MYO15A: variants seen among roughly 807,000 people sequenced by gnomAD.
MYO15A encodes the protein unconventional myosin-XV.
MYO15A carries 308 observed loss-of-function variants against 394.6 expected under a neutral mutation model. The observed-to-expected ratio is 0.78, with a 90% confidence interval of 0.71 to 0.86. MYO15A has a LOEUF of 0.86. MYO15A is among the 40% of genes least tolerant of loss of function. The probability of loss-of-function intolerance (pLI) is 0.00; values close to 1 mark genes in which losing one functional copy is unlikely to be tolerated. For synonymous variants in MYO15A, 1,957 were observed against 2,003.8 expected (o/e 0.98, Z 0.62); for missense variants, 4,606 against 4,799.1 (o/e 0.96, Z 1.19).
Position 18,157,894 on chromosome 17 carries a change from G to A in MYO15A, c.8961G>A (p.Arg2987=). The change falls in exon 51 of 66, where the codon AGG becomes AGA. Residue 2987 remains arginine, a synonymous_variant. Transcript: ENST00000647165. ...SAAAAQEVGR[R]REGPPVRARS... is the part of the protein sequence containing the mutation. ...CCGCTGCACAGGAGGTGGGCCGCAG[G>A]AGAGAGGTGAGACCAGTGTGGGTGG... is the stretch of plus-strand genomic sequence containing the variant. 4.2e-6 allele frequency: 5 copies of A among 1,187,896 alleles called. No homozygotes were observed. Among genetic ancestry groups the A allele is most frequent in the South Asian group, 1.4e-5 (1 of 73,594 alleles). The allele number at this position is 1,187,896 out of a possible 1,614,324, so 73.6% of individuals were successfully genotyped here.
intron 59 of MYO15A, 84 bp downstream of exon 59, chr17:18,163,405 AG>A (rs2046804717): frequency 1.5e-6 from 2 of 1,374,654 alleles, no homozygotes; most frequent in Non-Finnish European, 2.1e-6. Context: ...GGGTGGAGTA[AG>A]CCCCCAATGA....
At chr17:18,115,350 G>C (rs1008101700) in intron 1 of MYO15A, among the ~76,000 whole-genome samples, 2 of 152,140 alleles carry the variant, frequency 1.3e-5, no homozygotes, top group African/African-American at 4.8e-5. Flanking sequence ...TAGGCTTGGT[G>C]GCTCACGGAT....
chr17:18,114,795 CTGGCTTCGT>C (rs2045764590), intron 1 of MYO15A, among the ~76,000 whole-genome samples: 2 of 152,172 alleles, frequency 1.3e-5, no homozygotes, highest in Non-Finnish European at 2.9e-5. Context: ...CCTCCTCTGG[CTGGCTTCGT>C]GGTGCTCACT....
intron 64 of MYO15A, chr17:18,172,747 T>C (rs1048776646): frequency 3.5e-6 from 1 of 287,068 alleles, no homozygotes; most frequent in Admixed American, 5.0e-5. Flanking sequence ...CTGGTATCTC[T>C]GTGTATCCAA....
At chr17:18,126,239 A>C in intron 4 of MYO15A, 108 bp from the exon 5 acceptor site, 1 of 917,760 alleles carries the variant, frequency 1.1e-6, no homozygotes, top group Non-Finnish European at 1.8e-6. Flanking sequence ...CCAGGCAGCC[A>C]GATATCTGTC....
intron 62 of MYO15A, 108 bp from the exon 63 acceptor site, chr17:18,171,530 T>C: frequency 6.6e-7 from 1 of 1,524,524 alleles, no homozygotes. Context: ...CATTTAGTCT[T>C]CCAGGGAGGT....
chr17:18,156,284 G>A lies in MYO15A; in HGVS notation c.8549G>A (p.Arg2850Gln), dbSNP rs568612566. The stretch of plus-strand genomic sequence containing the variant: ...GAGAAGGTCATCCTCTTCTCAGCCC[G>A]AGCGCACCAGGTCAAGACCCTGGTA... ...ASEKVILFSA[R>Q]AHQVKTLVDD... is the part of the protein sequence containing the mutation. The change falls in exon 48 of 66, where the codon CGA (arginine) becomes CAA (glutamine). Residue 2850 changes from arginine to glutamine, a missense_variant. Physicochemically the swap from Arg to Gln is conservative, Grantham distance 43. Transcript: ENST00000647165. The A allele has an allele frequency of 1.4e-5, 23 of 1,614,128 alleles. No individual in the cohort carries two copies. Among genetic ancestry groups the A allele is most frequent in the Non-Finnish European group, 1.7e-5 (20 of 1,180,012 alleles).
At chr17:18,115,611 C>G (rs552651330) in intron 1 of MYO15A, among the ~76,000 whole-genome samples, 5 of 152,002 alleles carry the variant, frequency 3.3e-5, no homozygotes, top group African/African-American at 1.2e-4. Context: ...CAGCGAGACT[C>G]TGTCTCAAAA....
intron 65 of MYO15A, 162 bp from the exon 66 acceptor site, chr17:18,178,607 C>G (rs759015509): frequency 8.3e-5 from 62 of 746,434 alleles, no homozygotes; most frequent in Non-Finnish European, 1.3e-4. Flanking sequence ...CCTTCCAGCT[C>G]TTCATGCTCC....
At position 18,144,526 on chromosome 17, in the gene MYO15A, CCT is replaced by C; in HGVS notation, c.6208_6209del (p.Leu2070GlufsTer52). On this transcript the variant is annotated frameshift_variant, in exon 29 of 66. Transcript: ENST00000647165. LOFTEE classifies it high-confidence loss of function. ...EPAFGMLTVP[L>X]RTPLTQLPAE... ...CTGCCTTTGGGATGCTGACAGTGCCCCTGAGGACACCCCTCACGCAGCTGCCA... is the reference window on the plus strand; with the variant it reads ...CTGCCTTTGGGATGCTGACAGTGCCCGAGGACACCCCTCACGCAGCTGCCA... 1 of 1,613,432 alleles carries C rather than the reference CCT, an allele frequency of 6.2e-7. No individual in the cohort carries two copies. Among genetic ancestry groups the C allele is most frequent in the Non-Finnish European group, 8.5e-7 (1 of 1,180,026 alleles).
At chr17:18,159,874 C>T (rs769110797) in intron 55 of MYO15A, 61 bp from the exon 56 acceptor site, 3 of 1,575,134 alleles carry the variant, frequency 1.9e-6, no homozygotes, top group African/African-American at 2.7e-5. Flanking sequence ...TTCTTATGTA[C>T]CTGGTATATG....
chr17:18,120,706 C>G lies in MYO15A; in HGVS notation c.1906C>G (p.Arg636Gly). The G allele has an allele frequency of 6.5e-7, 1 of 1,532,662 alleles. No homozygotes were observed. Among genetic ancestry groups the G allele is most frequent in the Non-Finnish European group, 8.7e-7 (1 of 1,149,496 alleles). 94.9% of individuals were successfully genotyped at this position (1,532,662 alleles called of 1,614,324 possible). ...GCTGAGGAGGGCCCAGCCACGCGCTCGCAGCAGCAACGACGCGCGCCGCCC... is the reference window on the plus strand; with the variant it reads ...GCTGAGGAGGGCCCAGCCACGCGCTGGCAGCAGCAACGACGCGCGCCGCCC... ...IVLRRAQPRARSSNDARRPPA... is the reference protein window; with the variant it reads ...IVLRRAQPRAGSSNDARRPPA... Residue 636 changes from arginine to glycine, a missense_variant, in exon 2 of 66, where the codon CGC becomes GGC. Physicochemically the swap from Arg to Gly is moderately radical, Grantham distance 125. Transcript: ENST00000647165.
At position 18,141,774 on chromosome 17, in the gene MYO15A, A is replaced by G; in HGVS notation, c.5649+4A>G. 1 of 1,613,834 alleles carries G rather than the reference A, an allele frequency of 6.2e-7. No individual in the cohort carries two copies. Among genetic ancestry groups the G allele is most frequent in the Non-Finnish European group, 8.5e-7 (1 of 1,179,854 alleles). On this transcript the variant is annotated splice_donor_region_variant and intron_variant, in intron 23 of 65. Transcript: ENST00000647165. ...GTACCGTGTTGGGGTCAGCAAGGTG[A>G]GTCCTGCCCGACAGTCAGCCCTTGG...
At chr17:18,163,114 C>G in intron 58 of MYO15A, 130 bp from the exon 59 acceptor site, 1 of 951,128 alleles carries the variant, frequency 1.1e-6, no homozygotes, top group Admixed American at 1.7e-5. Flanking sequence ...CTGCGCGGTC[C>G]AGGTGCTCAA....
At position 18,151,256 on chromosome 17, in the gene MYO15A, T is replaced by C. The variant is rs770449855; in HGVS notation, c.7620T>C (p.Pro2540=). 1 of 1,614,194 alleles carries C rather than the reference T, an allele frequency of 6.2e-7. No homozygotes were observed. The highest frequency in any genetic ancestry group is 1.3e-5 in the African/African-American group (1 of 75,062). ...PRLPIKPVAA[P]VLAQDQASPE... The stretch of plus-strand genomic sequence containing the variant: ...TCCCCATCAAGCCTGTGGCTGCCCC[T>C]GTTCTAGCTCAGGATCAGGCTTCTC... The change falls in exon 39 of 66, where the codon CCT becomes CCC. Residue 2540 remains proline (P), a synonymous_variant. Transcript: ENST00000647165.
At chr17:18,139,034 G>T in intron 18 of MYO15A, 98 bp downstream of exon 18, 1 of 1,522,912 alleles carries the variant, frequency 6.6e-7, no homozygotes. Context: ...TTCACAGCCA[G>T]GTCCAATTCT....
chr17:18,125,471 G>A (rs1157541411), intron 4 of MYO15A: 1 of 526,874 alleles, frequency 1.9e-6, no homozygotes, highest in Non-Finnish European at 3.4e-6. Context: ...GAGGCAGGTG[G>A]ATCACGAGGT....
Position 18,121,620 on chromosome 17 carries a change from C to A in MYO15A, c.2820C>A (p.Pro940=). The A allele has an allele frequency of 1.2e-6, 2 of 1,601,380 alleles. No homozygotes were observed. Among genetic ancestry groups the A allele is most frequent in the East Asian group, 2.2e-5 (1 of 44,540 alleles). Residue 940 remains proline (P), a synonymous_variant, in exon 2 of 66, where the codon CCC becomes CCA. Coordinates refer to ENST00000647165, the MANE Select transcript of MYO15A (RefSeq NM_016239.4). This position sits in a 1 kb window ranked among gnomAD's most constrained non-coding sequence, Gnocchi z 5.3. ...ACATGCCTCCCACCCAACGCCCACCCTCCCCCTGGCCAGGAGGTGCAGGCA... is the reference window on the plus strand; with the variant it reads ...ACATGCCTCCCACCCAACGCCCACCATCCCCCTGGCCAGGAGGTGCAGGCA... ...DVDMPPTQRP[P]SPWPGGAGSR... is the part of the protein sequence containing the mutation.
In MYO15A at chr17:18,122,351, C is replaced by A. The variant is rs368083374; in HGVS notation, c.3551C>A (p.Ala1184Asp). 1.9e-5 allele frequency: 30 copies of A among 1,612,816 alleles called. No individual in the cohort carries two copies. In the African/African-American group the frequency reaches 2.4e-4, roughly 13 times the overall value. Residue 1184 changes from alanine to aspartate, a missense_variant, in exon 2 of 66, where the codon GCC becomes GAC. By Grantham distance (126) the Ala-to-Asp change is moderately radical. Transcript: ENST00000647165. The part of the protein sequence containing the change: ...PQSCHLGPGA[A>D]CLSLRGSWEE... The stretch of plus-strand genomic sequence containing the variant: ...TCCTGCCACCTGGGCCCTGGAGCTG[C>A]CTGCCTGTCCCTTAGGGGCTCCTGG...
Sources: allele counts gnomAD v4.1 joint callset (sites outside exome capture counted in the v4.1 genomes callset), GRCh38; gene constraint gnomAD v4.1.1; non-coding constraint Gnocchi (gnomAD v3.1); transcripts MANE v1.5; gene names NCBI Gene and HGNC (gene_info 2026-07-23, HGNC 2026-07-21).